Variants in TDRD12 observed in about 807,000 individuals in gnomAD.
TDRD12 encodes the protein tudor domain containing 12.
TDRD12 carries 158 observed loss-of-function variants against 133.5 expected under a neutral mutation model. The ratio of observed to expected loss-of-function variants is 1.18; its 90% CI spans 1.04 to 1.35. The LOEUF is 1.35. Ranked by LOEUF, TDRD12 falls within the 40% of genes most tolerant of loss-of-function variation. The pLI, the probability that TDRD12 is intolerant of heterozygous loss-of-function variation, is 0.00. For synonymous variants in TDRD12, 460 were observed against 477.9 expected, an observed-to-expected ratio of 0.96 and a Z score of 0.49; for missense variants, 1,443 against 1,321.3, an observed-to-expected ratio of 1.09 and a Z score of -1.43.
intron 15 of TDRD12, 35 bp downstream of exon 15, chr19:32,797,926 A>G (rs1215506311): frequency 3.0e-6 from 2 of 666,170 alleles, no homozygotes; most frequent in Non-Finnish European, 5.4e-6. Flanking sequence ...TAAAAGTTAA[A>G]GTATCCTTTT....
intron 10 of TDRD12, among the ~76,000 whole-genome samples, chr19:32,773,785 T>C (rs1304759049): frequency 6.6e-6 from 1 of 152,220 alleles, no homozygotes; most frequent in Non-Finnish European, 1.5e-5. Flanking sequence ...AGATTGATGA[T>C]TGGAAAATAG....
Position 32,763,752 on chromosome 19 carries a change from G to A in TDRD12, c.865+6622G>A, listed in dbSNP as rs193048096. Among the ~76,000 whole-genome samples the A allele has an allele frequency of 2.2e-3, 331 of 152,236 alleles. 2 individuals are homozygous for A. Among genetic ancestry groups the A allele is most frequent in the African/African-American group, 7.4e-3 (306 of 41,548 alleles). The stretch of plus-strand genomic sequence containing the variant: ...TTTAACTAACGGAGGTGTCCGTGCC[G>A]ACCCTCCAGCAAATTGTCAGTTTAC... On this transcript the variant is annotated intron_variant, in intron 8 of 27. Coordinates refer to ENST00000444215, the Ensembl canonical transcript of TDRD12.
chr19:32,770,281 A>G (rs1970409623), intron 8 of TDRD12, among the ~76,000 whole-genome samples: 1 of 152,164 alleles, frequency 6.6e-6, no homozygotes, highest in South Asian at 2.1e-4. Flanking sequence ...TGTTGGGATT[A>G]CAGGCGTGAA....
chr19:32,810,573 A>T (rs1599617804), intron 23 of TDRD12, among the ~76,000 whole-genome samples: 1 of 152,194 alleles, frequency 6.6e-6, no homozygotes, highest in African/African-American at 2.4e-5. Flanking sequence ...CATTCTACAG[A>T]TAAGAAAACA....
At chr19:32,756,677 C>T (rs555663366) in intron 7 of TDRD12, among the ~76,000 whole-genome samples, 13 of 152,260 alleles carry the variant, frequency 8.5e-5, no homozygotes, top group African/African-American at 1.7e-4. Context: ...CGTGACACCG[C>T]GCCCGGCCTC....
chr19:32,821,296 G>A (rs1196158006), downstream of TDRD12: 1 of 701,384 alleles, frequency 1.4e-6, no homozygotes, highest in Admixed American at 2.9e-5. Context: ...AGCCCCCAGT[G>A]TTTTGTTTTT....
intron 11 of TDRD12, among the ~76,000 whole-genome samples, chr19:32,788,486 G>A (rs543807390): frequency 1.3e-5 from 2 of 152,038 alleles, no homozygotes; most frequent in Non-Finnish European, 2.9e-5. Context: ...CTAATATCAC[G>A]TTTTTAATTT....
chr19:32,773,844 T>G (rs1970505869), intron 10 of TDRD12, among the ~76,000 whole-genome samples: 1 of 152,208 alleles, frequency 6.6e-6, no homozygotes, highest in Admixed American at 6.6e-5. Flanking sequence ...CATATTAACT[T>G]AAAGGAAAAA....
rs1241431326 is a variant in TDRD12, at chr19:32,827,275, A to G, written c.*109A>G. 47 of 1,231,430 alleles carry G rather than the reference A, an allele frequency of 3.8e-5. 1 individual carries two copies. In the Admixed American group the frequency reaches 1.9e-3, roughly 51 times the overall value. The allele number at this position is 1,231,430 out of a possible 1,614,324, so 76.3% of individuals were successfully genotyped here. A position where few individuals can be genotyped will look rare whatever the true frequency, so the allele number is the denominator to read the frequency against. On this transcript the variant is annotated 3_prime_UTR_variant, in exon 10 of 10. Transcript: ENST00000637289. ...GAAAGAGAAGGTGAATGACGTCCTC[A>G]AGAGCGGCTGGAAGATGTTGAACAA...
intron 10 of TDRD12, among the ~76,000 whole-genome samples, chr19:32,775,339 A>AT (rs1276668491): frequency 1.3e-5 from 2 of 151,884 alleles, no homozygotes; most frequent in Non-Finnish European, 2.9e-5. Context: ...TTATATCTAT[A>AT]TTTTTTTGCG....
intron 18 of TDRD12, 60 bp downstream of exon 18, chr19:32,800,832 A>C: frequency 6.9e-7 from 1 of 1,445,718 alleles, no homozygotes; most frequent in Non-Finnish European, 9.1e-7. Flanking sequence ...ATCTCAAGTC[A>C]TCACAAAATT....
chr19:32,751,446 T>G (rs1969825019), intron 6 of TDRD12, among the ~76,000 whole-genome samples: 1 of 152,164 alleles, frequency 6.6e-6, no homozygotes, highest in South Asian at 2.1e-4. Context: ...GGGCCTACTT[T>G]GAGGCTGCAG....
intron 15 of TDRD12, among the ~76,000 whole-genome samples, 194 bp downstream of exon 15, chr19:32,798,085 C>T (rs139769569): frequency 7.2e-5 from 11 of 152,318 alleles, no homozygotes; most frequent in Middle Eastern, 3.4e-3. Context: ...TCTTGACTTA[C>T]GTCTGCTTCA....
chr19:32,803,203 G>C, intron 21 of TDRD12, 61 bp downstream of exon 21: 2 of 1,236,172 alleles, frequency 1.6e-6, no homozygotes, highest in Non-Finnish European at 2.2e-6. Flanking sequence ...GTGCACAGCT[G>C]TTGCAATGTG....
At chr19:32,731,041 C>T (rs978756696) in intron 1 of TDRD12, among the ~76,000 whole-genome samples, 1 of 152,116 alleles carries the variant, frequency 6.6e-6, no homozygotes, top group African/African-American at 2.4e-5. Context: ...TAACTTTTCA[C>T]TTTATATTTG....
exon 17 of TDRD12, chr19:32,800,225 C>T: frequency 5.2e-6 from 8 of 1,532,816 alleles, no homozygotes; most frequent in Non-Finnish European, 7.0e-6. Flanking sequence ...AGGGAATCTG[C>T]ACCACATCAG....
Position 32,757,143 on chromosome 19 carries a change from A to G in TDRD12, c.865+13A>G. ...GCCACAGCACAGGGTGAGTTCTGCT[A>G]ATGTGGTTTATTTCATAGGCAGCAT... On this transcript the variant is annotated intron_variant, in intron 8 of 27. Coordinates refer to ENST00000444215, the Ensembl canonical transcript of TDRD12. 10 of 1,543,828 alleles carry G rather than the reference A, an allele frequency of 6.5e-6. No homozygotes were observed. The highest frequency in any genetic ancestry group is 8.8e-6 in the Non-Finnish European group (10 of 1,139,994).
intron 8 of TDRD12, among the ~76,000 whole-genome samples, chr19:32,760,463 G>T (rs566846760): frequency 3.9e-5 from 6 of 151,976 alleles, no homozygotes; most frequent in Admixed American, 6.6e-5. Flanking sequence ...GCTAATACTT[G>T]ATTTGCTAAT....
At chr19:32,801,818 A>G in exon 19 of TDRD12, 1 of 1,479,060 alleles carries the variant, frequency 6.8e-7, no homozygotes. Flanking sequence ...TTAACTTACA[A>G]AATGTTTTAG....
Sources: gnomAD v4.1 joint callset for allele counts (sites outside exome capture counted in the v4.1 genomes callset) on GRCh38, gnomAD v4.1.1 for gene constraint, MANE v1.5 for transcripts, NCBI Gene and HGNC (gene_info 2026-07-23, HGNC 2026-07-21) for gene names.